LRRC9: variants seen among roughly 807,000 people sequenced by gnomAD.
LRRC9 encodes the protein leucine rich repeat containing 9.
LRRC9 carries 122 observed loss-of-function variants against 63.2 expected under a neutral mutation model. The ratio of observed to expected loss-of-function variants is 1.93; its 90% CI spans 1.67 to 2.24. The LOEUF (loss-of-function observed/expected upper bound fraction) is 2.24, where lower values mean the gene tolerates loss of function less well. Among genes scored for constraint, LRRC9 ranks in the 30% most tolerant of loss-of-function variants. The pLI is 0.00. For missense variants in LRRC9, 1,071 were observed against 627.7 expected, an observed-to-expected ratio of 1.71 and a Z score of -7.55; for synonymous variants, 366 against 213.1, an observed-to-expected ratio of 1.72 and a Z score of -6.25.
intron 21 of LRRC9, among the ~76,000 whole-genome samples, chr14:60,005,790 T>C (rs1011997382): frequency 5.9e-5 from 9 of 152,122 alleles, no homozygotes; most frequent in African/African-American, 1.9e-4. Context: ...AGTGATATAT[T>C]TGAAGCCAAC....
intron 29 of LRRC9, among the ~76,000 whole-genome samples, chr14:60,032,583 T>A (rs948261701): frequency 1.3e-5 from 2 of 152,196 alleles, no homozygotes; most frequent in Non-Finnish European, 2.9e-5. Context: ...CCTGTTGGAA[T>A]CTTTGAGGGA....
intron 23 of LRRC9, among the ~76,000 whole-genome samples, chr14:60,009,473 T>C (rs219374): frequency 0.75 from 114,142 of 152,086 alleles, 44,913 homozygotes; most frequent in Non-Finnish European, 0.87. Context: ...GAAAAACCCA[T>C]CCCCATGATT....
intron 29 of LRRC9, among the ~76,000 whole-genome samples, chr14:60,041,670 T>C (rs1291654061): frequency 2.0e-5 from 3 of 152,214 alleles, no homozygotes; most frequent in African/African-American, 7.2e-5. Flanking sequence ...TTTTAGCTTA[T>C]TTGTGATGTG....
At chr14:60,019,057 G>A (rs1010448495) in intron 25 of LRRC9, 64 bp from the exon 26 acceptor site, 25 of 603,560 alleles carry the variant, frequency 4.1e-5, no homozygotes, top group Non-Finnish European at 6.8e-5. Flanking sequence ...TATATTCCAA[G>A]TTTTATCCAT....
At chr14:59,965,996 A>C (rs1162838586) in intron 10 of LRRC9, among the ~76,000 whole-genome samples, 1 of 149,074 alleles carries the variant, frequency 6.7e-6, no homozygotes, top group African/African-American at 2.5e-5. Context: ...GTGGTGCCAT[A>C]TACTGAGATG....
chr14:60,015,230 T>A (rs1288134249), intron 23 of LRRC9, among the ~76,000 whole-genome samples: 1 of 144,152 alleles, frequency 6.9e-6, no homozygotes, highest in Non-Finnish European at 1.5e-5. Context: ...TTGTTGAGCA[T>A]TTTTCCTTTG....
chr14:60,018,091 T>C (rs1890834154), intron 24 of LRRC9, among the ~76,000 whole-genome samples: 1 of 152,088 alleles, frequency 6.6e-6, no homozygotes, highest in East Asian at 1.9e-4. Flanking sequence ...ATGTCTCTTT[T>C]ATAAGTTTCT....
chr14:60,047,181 A>G (rs1033133333), intron 29 of LRRC9, among the ~76,000 whole-genome samples: 2 of 152,168 alleles, frequency 1.3e-5, no homozygotes, highest in African/African-American at 4.8e-5. Context: ...GGTTTTCTAG[A>G]CACAGGATCA....
At chr14:60,036,038 G>T (rs1206778272) in intron 29 of LRRC9, among the ~76,000 whole-genome samples, 1 of 152,020 alleles carries the variant, frequency 6.6e-6, no homozygotes, top group African/African-American at 2.4e-5. Flanking sequence ...GCAGATAGTT[G>T]TCTTACTGTA....
At chr14:60,024,446 CA>C (rs753476263) in intron 27 of LRRC9, among the ~76,000 whole-genome samples, 1 of 151,928 alleles carries the variant, frequency 6.6e-6, no homozygotes, top group Non-Finnish European at 1.5e-5. Flanking sequence ...ATTAGTCTAA[CA>C]ATAATTTTTA....
intron 29 of LRRC9, among the ~76,000 whole-genome samples, chr14:60,048,501 A>G (rs1893623813): frequency 6.6e-6 from 1 of 152,202 alleles, no homozygotes; most frequent in Non-Finnish European, 1.5e-5. Context: ...ATCAGAGAAT[A>G]CTATAAACAC....
chr14:60,052,678 T>C (rs1309759491), intron 29 of LRRC9, among the ~76,000 whole-genome samples: 1 of 152,238 alleles, frequency 6.6e-6, no homozygotes, highest in Non-Finnish European at 1.5e-5. Context: ...GTTGATACTA[T>C]GAAGAGATGG....
intron 22 of LRRC9, among the ~76,000 whole-genome samples, 181 bp from the exon 23 acceptor site, chr14:60,007,911 G>C (rs1889945942): frequency 7.3e-6 from 1 of 137,190 alleles, no homozygotes; most frequent in South Asian, 2.3e-4. Flanking sequence ...CTGCACTCCA[G>C]CCTGAGCAAC....
chr14:59,944,969 G>A (rs1882201416), intron 8 of LRRC9, among the ~76,000 whole-genome samples: 1 of 151,606 alleles, frequency 6.6e-6, no homozygotes, highest in South Asian at 2.1e-4. Flanking sequence ...TACATTCTGT[G>A]CTTAGAAATC....
At position 59,932,087 on chromosome 14, in the gene LRRC9, G is replaced by T; in HGVS notation, c.543+48G>T. On this transcript the variant is annotated intron_variant, in intron 6 of 31. Coordinates refer to ENST00000445360, the Ensembl canonical transcript of LRRC9. This position sits in a 1 kb window ranked among gnomAD's most constrained non-coding sequence, Gnocchi z 4.7. ...ATTTTTATTTATCATCCTGAATCAT[G>T]AACCATTGTGTTGCAGAAACTGTAC... The T allele has an allele frequency of 1.5e-6, 1 of 685,564 alleles. No individual in the cohort carries two copies. The highest frequency in any genetic ancestry group is 1.6e-5 in the South Asian group (1 of 64,194). 42.5% of individuals were successfully genotyped at this position (685,564 alleles called of 1,614,324 possible). A position where few individuals can be genotyped will look rare whatever the true frequency, so the allele number is the denominator to read the frequency against.
chr14:60,006,519 A>G (rs533818608), exon 22 of LRRC9: 2 of 702,016 alleles, frequency 2.8e-6, no homozygotes, highest in South Asian at 1.5e-5. Context: ...GAACAACAGA[A>G]TCACTTCATT....
rs571263021 is a variant in LRRC9, at chr14:60,003,557, T to C, written c.2665-64T>C. ...GAATTATTTCATTAGCTTTTTAAAA[T>C]GTTATTAACATTGACTGAATTTATA... is the stretch of plus-strand genomic sequence containing the variant. On this transcript the variant is annotated intron_variant, in intron 20 of 31. Transcript: ENST00000445360. This position sits in a 1 kb window ranked among gnomAD's most constrained non-coding sequence, Gnocchi z 4.2. 2.6e-4 allele frequency: 136 copies of C among 520,034 alleles called. No individual in the cohort carries two copies. Among genetic ancestry groups the C allele is most frequent in the Non-Finnish European group, 4.3e-4 (129 of 297,702 alleles). 32.2% of individuals were successfully genotyped at this position (520,034 alleles called of 1,614,324 possible). A position where few individuals can be genotyped will look rare whatever the true frequency, so the allele number is the denominator to read the frequency against.
chr14:60,054,302 GGACTC>G (rs1894114382), intron 30 of LRRC9, among the ~76,000 whole-genome samples: 2 of 152,028 alleles, frequency 1.3e-5, no homozygotes, highest in South Asian at 4.2e-4. Context: ...ATAAACACAG[GGACTC>G]TAAGTGCAAA....
chr14:60,023,076 T>C (rs1891239747), intron 27 of LRRC9, among the ~76,000 whole-genome samples: 1 of 151,988 alleles, frequency 6.6e-6, no homozygotes, highest in South Asian at 2.1e-4. Context: ...TCTGAGAATA[T>C]ATATAGTATT....
Sources: gnomAD v4.1 joint callset for allele counts (sites outside exome capture counted in the v4.1 genomes callset) on GRCh38, gnomAD v4.1.1 for gene constraint, Gnocchi (gnomAD v3.1) non-coding constraint, MANE v1.5 for transcripts, NCBI Gene and HGNC (gene_info 2026-07-23, HGNC 2026-07-21) for gene names.